TCP11L1: variants seen among roughly 807,000 people sequenced by gnomAD.
The protein encoded by TCP11L1 is T-complex protein 11-like protein 1.
Under a neutral mutation model 48.9 loss-of-function variants are expected in TCP11L1, and 28 were observed. The observed-to-expected ratio is 0.57, with a 90% confidence interval of 0.42 to 0.78. The LOEUF (loss-of-function observed/expected upper bound fraction) is 0.78, where lower values mean the gene tolerates loss of function less well. Among genes scored for constraint, TCP11L1 ranks in the 30% least tolerant of loss-of-function variants. TCP11L1 has a pLI of 0.00. For missense variants in TCP11L1, 505 were observed against 613.4 expected (o/e 0.82, Z 1.87); for synonymous variants, 204 against 231.9 (o/e 0.88, Z 1.09).
chr11:33,053,817 A>G (rs1353135948), intron 2 of TCP11L1, among the ~76,000 whole-genome samples: 1 of 151,988 alleles, frequency 6.6e-6, no homozygotes, highest in Non-Finnish European at 1.5e-5. Context: ...TGGTATTTTA[A>G]TTTTTTACAA....
chr11:33,061,090 G>T (rs1476480503), intron 6 of TCP11L1, among the ~76,000 whole-genome samples: 1 of 152,128 alleles, frequency 6.6e-6, no homozygotes, highest in African/African-American at 2.4e-5. Flanking sequence ...CAGCTAGCTG[G>T]GGCTACAGGC....
At chr11:33,060,988 C>A (rs1248650137) in intron 6 of TCP11L1, among the ~76,000 whole-genome samples, 1 of 152,192 alleles carries the variant, frequency 6.6e-6, no homozygotes, top group East Asian at 1.9e-4. Context: ...CAGGGTCTAG[C>A]TCTGTCCCCC....
chr11:33,068,583 C>A, intron 8 of TCP11L1, 104 bp from the exon 9 acceptor site: 2 of 1,416,704 alleles, frequency 1.4e-6, no homozygotes, highest in Non-Finnish European at 1.9e-6. Flanking sequence ...CTTGAACACA[C>A]AAATCCAGTT....
chr11:33,051,741 C>T (rs76647627), intron 2 of TCP11L1, among the ~76,000 whole-genome samples: 2,445 of 152,150 alleles, frequency 0.016, 68 homozygotes, highest in African/African-American at 0.056. Flanking sequence ...CCACCGTGCC[C>T]GGCCTATCCT....
chr11:33,062,806 A>G (rs1854504904), intron 7 of TCP11L1, among the ~76,000 whole-genome samples: 1 of 152,236 alleles, frequency 6.6e-6, no homozygotes. Flanking sequence ...TTTACTTAGC[A>G]TAATGTCTTC....
chr11:33,063,003 G>A (rs1039049829), intron 7 of TCP11L1, among the ~76,000 whole-genome samples: 4 of 152,118 alleles, frequency 2.6e-5, no homozygotes, highest in African/African-American at 9.7e-5. Context: ...AGGACTACAA[G>A]AGTGTACCAC....
Position 33,072,793 on chromosome 11 carries a change from C to G in TCP11L1, c.*117C>G, listed in dbSNP as rs1300517549. The G allele has an allele frequency of 1.8e-6, 2 of 1,089,460 alleles. No homozygotes were observed. The highest frequency in any genetic ancestry group is 4.1e-5 in the Admixed American group (2 of 48,542). The allele number at this position is 1,089,460 out of a possible 1,614,324, so 67.5% of individuals were successfully genotyped here. On this transcript the variant is annotated 3_prime_UTR_variant, in exon 10 of 10. Transcript: ENST00000334274. Reference sequence around the variant, plus strand: ...ACATGTCTATTTAACAGCACCGATTCCAAAGGGAAGAATATTGTGTATCAC... The same window carrying G: ...ACATGTCTATTTAACAGCACCGATTGCAAAGGGAAGAATATTGTGTATCAC...
chr11:33,048,446 T>G (rs1854062816), intron 2 of TCP11L1, among the ~76,000 whole-genome samples: 1 of 152,250 alleles, frequency 6.6e-6, no homozygotes. Context: ...TTTATGAAAT[T>G]GGTAAATTTG....
chr11:33,040,654 G>A (rs1323625045), intron 1 of TCP11L1: 5 of 152,168 alleles, frequency 3.3e-5, no homozygotes, highest in Non-Finnish European at 7.3e-5. Context: ...ATAAAAACTA[G>A]CACTTTTACC....
rs543618523 is a variant in TCP11L1, at chr11:33,046,682, A to G, written c.163+2746A>G. On this transcript the variant is annotated intron_variant, in intron 2 of 9. Coordinates refer to ENST00000334274, the MANE Select transcript of TCP11L1 (RefSeq NM_018393.4). ...AGGTACAGGGCTATAAACCCAAAAG[A>G]TAAAGCTAAGACCTCATTATCTGGG... Among the ~76,000 whole-genome samples, 102 of 152,344 alleles carry G rather than the reference A, an allele frequency of 6.7e-4. 1 individual carries two copies. The highest frequency in any genetic ancestry group is 3.4e-3 in the Middle Eastern group (1 of 294).
At position 33,059,010 on chromosome 11, in the gene TCP11L1, T is replaced by A. The variant is rs754478981; in HGVS notation, c.690T>A (p.Ala230=). 8 of 1,614,244 alleles carry A rather than the reference T, an allele frequency of 5.0e-6. No individual in the cohort carries two copies. The South Asian group carries it at 8.8e-5, about 18-fold the overall frequency. The change falls in exon 6 of 10, where the codon GCT becomes GCA. Residue 230 remains alanine, a synonymous_variant. Transcript: ENST00000334274. ...DLMKVDMANF[A]ISSIRPHLMQ... Reference sequence around the variant, plus strand: ...TGAAAGTGGACATGGCCAACTTTGCTATCAGTAGCATCAGGCCTCATCTCA... The same window carrying A: ...TGAAAGTGGACATGGCCAACTTTGCAATCAGTAGCATCAGGCCTCATCTCA...
At chr11:33,039,998 CCTGCCACTCCCTCGCT>C (rs1194763508) in intron 1 of TCP11L1, 1 of 152,362 alleles carries the variant, frequency 6.6e-6, no homozygotes, top group African/African-American at 2.4e-5. Context: ...TACTCCCGGC[CCTGCCACTCCCTCGCT>C]GGCCTGAACA....
At chr11:33,070,139 A>C (rs1479540971) in intron 9 of TCP11L1, among the ~76,000 whole-genome samples, 1 of 151,962 alleles carries the variant, frequency 6.6e-6, no homozygotes, top group African/African-American at 2.4e-5. Context: ...AAAATTAGCC[A>C]GGTTAGTGAC....
At chr11:33,068,613 C>A in intron 8 of TCP11L1, 74 bp from the exon 9 acceptor site, 1 of 1,535,416 alleles carries the variant, frequency 6.5e-7, no homozygotes, top group Non-Finnish European at 8.9e-7. Context: ...GTCATTCTCA[C>A]CCGGGTGTGG....
chr11:33,057,769 T>A, intron 4 of TCP11L1, 150 bp from the exon 5 acceptor site: 1 of 683,970 alleles, frequency 1.5e-6, no homozygotes, highest in Non-Finnish European at 2.3e-6. Flanking sequence ...TTTGTAAACA[T>A]GTTTTTCTGT....
chr11:33,069,602 T>C (rs11032139), intron 9 of TCP11L1, among the ~76,000 whole-genome samples: 20,297 of 152,148 alleles, frequency 0.13, 1,563 homozygotes, highest in Middle Eastern at 0.22. Flanking sequence ...TAGTTTTGTT[T>C]GTTTGTTTTT....
intron 1 of TCP11L1, chr11:33,040,154 G>C (rs949752548): frequency 6.6e-6 from 1 of 151,456 alleles, no homozygotes; most frequent in East Asian, 2.0e-4. Context: ...GGAGCCTCTT[G>C]TGTCCAGCCT....
At chr11:33,053,209 A>T (rs1854215726) in intron 2 of TCP11L1, among the ~76,000 whole-genome samples, 1 of 139,408 alleles carries the variant, frequency 7.2e-6, no homozygotes, top group Non-Finnish European at 1.5e-5. Flanking sequence ...CAATGGTGTG[A>T]TCTTCGCTCA....
Position 33,073,328 on chromosome 11 carries a change from A to T in TCP11L1, c.*652A>T, listed in dbSNP as rs1207270549. On this transcript the variant is annotated 3_prime_UTR_variant, in exon 10 of 10. Transcript: ENST00000334274. ...CCCAAAGATACAGTTATTGGACTTTAAAAAGCTTGTTCTTTTATACAAAAT... is the reference window on the plus strand; with the variant it reads ...CCCAAAGATACAGTTATTGGACTTTTAAAAGCTTGTTCTTTTATACAAAAT... 6.6e-6 allele frequency: 1 copy of T among 152,252 alleles called. No individual in the cohort carries two copies. Among genetic ancestry groups the T allele is most frequent in the Admixed American group, 6.5e-5 (1 of 15,284 alleles). The allele number at this position is 152,252 out of a possible 1,614,324, so 9.4% of individuals were successfully genotyped here. A position where few individuals can be genotyped will look rare whatever the true frequency, so the allele number is the denominator to read the frequency against.
Sources: gnomAD v4.1 joint callset for allele counts (sites outside exome capture counted in the v4.1 genomes callset) on GRCh38, gnomAD v4.1.1 for gene constraint, MANE v1.5 for transcripts, NCBI Gene and HGNC (gene_info 2026-07-23, HGNC 2026-07-21) for gene names.